Variants in FAT4 observed in about 807,000 individuals in gnomAD.
FAT4 encodes FAT atypical cadherin 4, also known as protocadherin Fat 4.
FAT4 carries 84 observed loss-of-function variants against 303.9 expected under a neutral mutation model. That is an observed-to-expected ratio of 0.28 (90% CI 0.23 to 0.33). The LOEUF is 0.33. Ranked by LOEUF, FAT4 falls within the 10% of genes least tolerant of loss-of-function variation. The pLI is 1.00. For missense variants in FAT4, 6,005 were observed against 6,146.8 expected, an observed-to-expected ratio of 0.98 and a Z score of 0.77; for synonymous variants, 2,307 against 2,298.8, an observed-to-expected ratio of 1.00 and a Z score of -0.10.
chr4:125,359,330 T>A (rs62321342), intron 2 of FAT4, among the ~76,000 whole-genome samples: 1 of 151,984 alleles, frequency 6.6e-6, no homozygotes. Flanking sequence ...TAATGGATGT[T>A]GTTGTTTTCC....
intron 2 of FAT4, among the ~76,000 whole-genome samples, chr4:125,373,435 T>A (rs1440150472): frequency 6.6e-6 from 1 of 152,168 alleles, no homozygotes. Context: ...CAGATTGTTT[T>A]AAAAAGTTTG....
intron 2 of FAT4, among the ~76,000 whole-genome samples, chr4:125,349,067 A>G (rs751978598): frequency 6.6e-6 from 1 of 151,814 alleles, no homozygotes; most frequent in Non-Finnish European, 1.5e-5. Flanking sequence ...AAAAAGGATT[A>G]AATTATCCAG....
intron 10 of FAT4, among the ~76,000 whole-genome samples, chr4:125,456,091 C>T (rs1726267409): frequency 6.6e-6 from 1 of 152,056 alleles, no homozygotes; most frequent in Non-Finnish European, 1.5e-5. Flanking sequence ...TTTTTGCTGG[C>T]AGAATATAAA....
intron 2 of FAT4, among the ~76,000 whole-genome samples, chr4:125,369,786 C>T (rs777254872): frequency 5.3e-5 from 8 of 152,270 alleles, no homozygotes; most frequent in East Asian, 3.9e-4. Context: ...TTCCTCCAAT[C>T]GGCAAGCTCC....
chr4:125,333,031 A>G (rs1355120399), intron 2 of FAT4, among the ~76,000 whole-genome samples: 1 of 152,096 alleles, frequency 6.6e-6, no homozygotes, highest in Admixed American at 6.6e-5. Flanking sequence ...ATAGATTTGA[A>G]GCAGTTTACA....
chr4:125,328,891 G>A (rs966347501), intron 2 of FAT4, among the ~76,000 whole-genome samples: 1 of 152,046 alleles, frequency 6.6e-6, no homozygotes, highest in Non-Finnish European at 1.5e-5. Context: ...TTGTAAGAAT[G>A]ATTATTTCTA....
intron 16 of FAT4, among the ~76,000 whole-genome samples, chr4:125,485,197 G>A (rs1358462565): frequency 1.3e-5 from 2 of 151,992 alleles, no homozygotes; most frequent in African/African-American, 2.4e-5. Flanking sequence ...AACACTGTAT[G>A]CTTAGGTTAC....
chr4:125,365,497 C>A (rs1003577481), intron 2 of FAT4, among the ~76,000 whole-genome samples: 1 of 152,030 alleles, frequency 6.6e-6, no homozygotes, highest in Non-Finnish European at 1.5e-5. Flanking sequence ...TATTGTCTTT[C>A]CTATTCATAC....
chr4:125,336,341 T>A (rs1057390151), intron 2 of FAT4, among the ~76,000 whole-genome samples: 3 of 152,046 alleles, frequency 2.0e-5, no homozygotes, highest in African/African-American at 7.2e-5. Context: ...AACTACAGAA[T>A]TTTTAAATTT....
chr4:125,466,685 A>G (rs1325285182), intron 11 of FAT4, among the ~76,000 whole-genome samples: 1 of 150,782 alleles, frequency 6.6e-6, no homozygotes, highest in Admixed American at 6.6e-5. Flanking sequence ...TATATGACAT[A>G]ACATATATAT....
rs953825625 is a variant in FAT4 at position 125,331,600 on chromosome 4, T to G, written c.5175+10014T>G. 8.5e-5 allele frequency among the ~76,000 whole-genome samples: 13 copies of G among 152,180 alleles called. 1 individual carries two copies. The highest frequency in any genetic ancestry group is 3.1e-4 in the African/African-American group (13 of 41,440). On this transcript the variant is annotated intron_variant, in intron 2 of 17. Coordinates refer to ENST00000394329, the MANE Select transcript of FAT4 (RefSeq NM_001291303.3). ...AGTAGAACATTTTAGAAAATATATA[T>G]CACAGTGTATGCTACACCATCTCAT...
intron 5 of FAT4, among the ~76,000 whole-genome samples, chr4:125,413,983 A>G (rs900616794): frequency 1.3e-5 from 2 of 152,042 alleles, no homozygotes; most frequent in African/African-American, 4.8e-5. Flanking sequence ...TTTTATCATA[A>G]TATCCTGTAA....
In FAT4 at chr4:125,321,102, A is replaced by G. The variant is rs1319788508; in HGVS notation, c.4691A>G (p.Glu1564Gly). ...GATGAAGGTGCTAATGGAGAAATAG[A>G]GTATGAGATCATCAATGGGGACACA... is the stretch of plus-strand genomic sequence containing the variant. The part of the protein sequence containing the change: ...DPDEGANGEI[E>G]YEIINGDTDT... The change falls in exon 2 of 18, where the codon GAG becomes GGG. Residue 1564 changes from glutamate to glycine, a missense_variant. Coordinates refer to ENST00000394329, the MANE Select transcript of FAT4 (RefSeq NM_001291303.3). 9.3e-6 allele frequency: 15 copies of G among 1,614,178 alleles called. No homozygotes were observed. Among genetic ancestry groups the G allele is most frequent in the Non-Finnish European group, 1.3e-5 (15 of 1,180,002 alleles).
Position 125,492,393 on chromosome 4 carries a change from T to A in FAT4, c.*625T>A, listed in dbSNP as rs1727684517. The A allele has an allele frequency of 6.6e-6, 1 of 152,420 alleles. No homozygotes were observed. Among genetic ancestry groups the A allele is most frequent in the Non-Finnish European group, 1.5e-5 (1 of 68,196 alleles). 9.4% of individuals were successfully genotyped at this position (152,420 alleles called of 1,614,324 possible). On this transcript the variant is annotated 3_prime_UTR_variant, in exon 18 of 18. Transcript: ENST00000394329. ...ATAGAATTGTCTTAAAACTTCTGGA[T>A]CCTTGAGCAAATGATTATAGTCTCC...
rs745798411 is a variant in FAT4, at chr4:125,415,167, T to C, written c.6204T>C (p.Val2068=). 5.0e-6 allele frequency: 8 copies of C among 1,614,106 alleles called. No individual in the cohort carries two copies. In the Admixed American group the frequency reaches 1.0e-4, roughly 20 times the overall value. The change falls in exon 6 of 18, where the codon GTT becomes GTC. Residue 2068 remains valine (V), a synonymous_variant. Coordinates refer to ENST00000394329, the MANE Select transcript of FAT4 (RefSeq NM_001291303.3). ...CAGAAAATACACCTATTGATACTGT[T>C]GTTTTCAAAGCTCAAGCAACTGACC... The part of the protein sequence containing the change: ...YIPENTPIDT[V]VFKAQATDPD...
intron 10 of FAT4, among the ~76,000 whole-genome samples, chr4:125,455,157 T>C (rs1726234770): frequency 6.6e-6 from 1 of 152,180 alleles, no homozygotes; most frequent in African/African-American, 2.4e-5. Context: ...TCTACATTAG[T>C]CTAATGCATT....
rs1260975668 is a variant in FAT4 at position 125,451,392 on chromosome 4, C to T, written c.10382C>T (p.Thr3461Ile). 1 of 1,614,144 alleles carries T rather than the reference C, an allele frequency of 6.2e-7. No individual in the cohort carries two copies. Among genetic ancestry groups the T allele is most frequent in the Non-Finnish European group, 8.5e-7 (1 of 1,180,026 alleles). Residue 3461 changes from threonine (T) to isoleucine (I), a missense_variant, in exon 10 of 18, where the codon ACA (threonine) becomes ATA (isoleucine). Coordinates refer to ENST00000394329, the MANE Select transcript of FAT4 (RefSeq NM_001291303.3). Reference sequence around the variant, plus strand: ...GGTGCCTTTTCTATTAATCCGCAGACAGGACAGATCACCGTTACTGCAGAA... The same window carrying T: ...GGTGCCTTTTCTATTAATCCGCAGATAGGACAGATCACCGTTACTGCAGAA... ...ENGAFSINPQ[T>I]GQITVTAELD... is the part of the protein sequence containing the mutation.
At position 125,320,654 on chromosome 4, in the gene FAT4, G is replaced by A; in HGVS notation, c.4243G>A (p.Asp1415Asn). The change falls in exon 2 of 18, where the codon GAC becomes AAC. Residue 1415 changes from aspartate (D) to asparagine (N), a missense_variant. Coordinates refer to ENST00000394329, the MANE Select transcript of FAT4 (RefSeq NM_001291303.3). ...SVVIHVRDFN[D>N]NPPSFPPGDI... ...GGTTATTCACGTGAGGGACTTTAATGACAATCCTCCTAGCTTTCCTCCTGG... is the reference window on the plus strand; with the variant it reads ...GGTTATTCACGTGAGGGACTTTAATAACAATCCTCCTAGCTTTCCTCCTGG... The A allele has an allele frequency of 6.2e-7, 1 of 1,614,012 alleles. No individual in the cohort carries two copies. The highest frequency in any genetic ancestry group is 1.1e-5 in the South Asian group (1 of 91,076).
intron 8 of FAT4, among the ~76,000 whole-genome samples, chr4:125,445,365 T>A (rs974126378): frequency 1.3e-5 from 2 of 152,268 alleles, no homozygotes; most frequent in Non-Finnish European, 2.9e-5. Context: ...ATATTAGATA[T>A]ATGCTGTTGC....
Sources: gnomAD v4.1 joint callset for allele counts (sites outside exome capture counted in the v4.1 genomes callset) on GRCh38, gnomAD v4.1.1 for gene constraint, MANE v1.5 for transcripts, NCBI Gene and HGNC (gene_info 2026-07-23, HGNC 2026-07-21) for gene names.